FSTL4: variants seen among roughly 807,000 people sequenced by gnomAD.
FSTL4 encodes the protein follistatin like 4.
A neutral mutation model predicts 78.2 loss-of-function variants in FSTL4; 28 were observed. The ratio of observed to expected loss-of-function variants is 0.36; its 90% CI spans 0.27 to 0.49. The LOEUF (loss-of-function observed/expected upper bound fraction) is 0.49. Ranked by LOEUF, FSTL4 falls within the 20% of genes least tolerant of loss-of-function variation. The pLI is 0.98. For missense variants in FSTL4, 922 were observed against 1,084.9 expected, an observed-to-expected ratio of 0.85 and a Z score of 2.11; for synonymous variants, 422 against 440.5, an observed-to-expected ratio of 0.96 and a Z score of 0.53.
chr5:133,534,993 G>A (rs571190853), intron 3 of FSTL4, among the ~76,000 whole-genome samples: 4 of 152,268 alleles, frequency 2.6e-5, no homozygotes, highest in Non-Finnish European at 5.9e-5. Context: ...TCCCCAATGT[G>A]ACTATATTTG....
At chr5:133,260,719 A>C (rs1752499839) in intron 6 of FSTL4, among the ~76,000 whole-genome samples, 1 of 152,220 alleles carries the variant, frequency 6.6e-6, no homozygotes, top group Non-Finnish European at 1.5e-5. Flanking sequence ...AGAAGCTCTT[A>C]CAGCTTGTTT....
chr5:133,648,400 G>A, the FSTL4 span, among the ~76,000 whole-genome samples: 1 of 152,202 alleles, frequency 6.6e-6, no homozygotes, highest in African/African-American at 2.4e-5. Flanking sequence ...GACAAGGAGG[G>A]TATCCCTTGA....
chr5:133,242,785 T>A (rs1039934333), intron 7 of FSTL4, among the ~76,000 whole-genome samples: 6 of 152,230 alleles, frequency 3.9e-5, no homozygotes, highest in African/African-American at 1.4e-4. Context: ...CCAAAGCCTT[T>A]AAGTGCTTCA....
the FSTL4 span, among the ~76,000 whole-genome samples, chr5:133,810,705 C>T: frequency 1.3e-5 from 2 of 152,152 alleles, no homozygotes; most frequent in Admixed American, 6.5e-5. Flanking sequence ...CCAGGTGTGA[C>T]GTTTACATAA....
At chr5:133,254,884 C>T (rs898344094) in intron 6 of FSTL4, among the ~76,000 whole-genome samples, 2 of 152,192 alleles carry the variant, frequency 1.3e-5, no homozygotes, top group East Asian at 3.9e-4. Context: ...ATCTCCTGAA[C>T]CTCACCTGCG....
chr5:133,405,197 A>G (rs1756329453), intron 3 of FSTL4, among the ~76,000 whole-genome samples: 1 of 151,952 alleles, frequency 6.6e-6, no homozygotes, highest in African/African-American at 2.4e-5. Flanking sequence ...GAATTCCACA[A>G]CCTCACCCCA....
At chr5:133,494,720 T>C (rs1758335414) in intron 3 of FSTL4, among the ~76,000 whole-genome samples, 1 of 152,262 alleles carries the variant, frequency 6.6e-6, no homozygotes, top group South Asian at 2.1e-4. Flanking sequence ...GAGTATGACC[T>C]GGTTTATGTG....
the FSTL4 span, among the ~76,000 whole-genome samples, chr5:133,827,917 G>T: frequency 1.3e-5 from 2 of 152,180 alleles, no homozygotes; most frequent in Non-Finnish European, 2.9e-5. Context: ...TGCGTCAGTA[G>T]CTATCCCAGC....
intron 6 of FSTL4, among the ~76,000 whole-genome samples, chr5:133,273,754 G>A (rs1581585051): frequency 6.6e-6 from 1 of 152,140 alleles, no homozygotes; most frequent in South Asian, 2.1e-4. Context: ...GGAAACCTAC[G>A]TTTGCAGGCA....
At chr5:133,382,327 C>T (rs1348754013) in intron 4 of FSTL4, among the ~76,000 whole-genome samples, 2 of 152,292 alleles carry the variant, frequency 1.3e-5, no homozygotes, top group Admixed American at 6.5e-5. Flanking sequence ...TACTGGGGTG[C>T]CGAGGTTTTG....
chr5:133,271,531 C>G (rs1176746853), intron 6 of FSTL4, among the ~76,000 whole-genome samples: 1 of 152,174 alleles, frequency 6.6e-6, no homozygotes, highest in Non-Finnish European at 1.5e-5. Context: ...TTCCTGCCCC[C>G]CACCGCCCCA....
At chr5:133,777,061 C>G in the FSTL4 span, among the ~76,000 whole-genome samples, 30 of 152,178 alleles carry the variant, frequency 2.0e-4, no homozygotes, top group African/African-American at 7.0e-4. Flanking sequence ...CACCATGTAC[C>G]AGGCACTGCA....
chr5:133,438,731 A>G (rs1757088279), intron 3 of FSTL4, among the ~76,000 whole-genome samples: 1 of 152,220 alleles, frequency 6.6e-6, no homozygotes, highest in African/African-American at 2.4e-5. Context: ...CATGGAAATG[A>G]CATTATAATG....
chr5:133,371,838 G>C (rs925984614), intron 4 of FSTL4, among the ~76,000 whole-genome samples: 2 of 152,172 alleles, frequency 1.3e-5, no homozygotes, highest in African/African-American at 4.8e-5. Flanking sequence ...GTCAGACCTC[G>C]CTCCCGGGGC....
chr5:133,206,308 C>T (rs1182323527), intron 14 of FSTL4, among the ~76,000 whole-genome samples: 1 of 152,154 alleles, frequency 6.6e-6, no homozygotes. Flanking sequence ...TGCAAGCATT[C>T]ACTCATTTCC....
intron 4 of FSTL4, among the ~76,000 whole-genome samples, chr5:133,369,958 C>T (rs1488898398): frequency 6.6e-6 from 1 of 150,970 alleles, no homozygotes; most frequent in East Asian, 2.0e-4. Context: ...TGAGGCGCTG[C>T]TGATTTGATC....
chr5:133,798,954 G>GAGGGAGGGAGGGAGGGAGGA, the FSTL4 span, among the ~76,000 whole-genome samples: 2 of 119,600 alleles, frequency 1.7e-5, no homozygotes, highest in African/African-American at 6.9e-5. Flanking sequence ...ATAAGGAAGG[G>GAGGGAGGGAGGGAGGGAGGA]AGGGAGGGAG....
intron 3 of FSTL4, among the ~76,000 whole-genome samples, chr5:133,518,715 C>A (rs573383950): frequency 1.3e-5 from 2 of 152,202 alleles, no homozygotes; most frequent in African/African-American, 4.8e-5. Flanking sequence ...TTTCTTAACC[C>A]GTGCATAGGA....
intron 3 of FSTL4, among the ~76,000 whole-genome samples, chr5:133,508,275 G>A (rs543579913): frequency 6.6e-6 from 1 of 152,338 alleles, no homozygotes; most frequent in African/African-American, 2.4e-5. Flanking sequence ...TCTGCCATGG[G>A]GATGGGTGGG....
Sources: gnomAD v4.1 joint callset for allele counts (sites outside exome capture counted in the v4.1 genomes callset) on GRCh38, gnomAD v4.1.1 for gene constraint, MANE v1.5 for transcripts, NCBI Gene and HGNC (gene_info 2026-07-23, HGNC 2026-07-21) for gene names.